The following NEK11 variants were observed in gnomAD, a reference collection of about 807,000 sequenced individuals.
The protein encoded by NEK11 is NIMA related kinase 11, also known as serine/threonine-protein kinase Nek11.
A neutral mutation model predicts 80.7 loss-of-function variants in NEK11; 72 were observed. That is an observed-to-expected ratio of 0.89 (90% CI 0.74 to 1.08). The LOEUF (loss-of-function observed/expected upper bound fraction) is 1.08. NEK11 is among the 50% of genes least tolerant of loss of function. NEK11 has a pLI of 0.00. For missense variants in NEK11, 764 were observed against 763.6 expected (o/e 1.00, Z -0.01); for synonymous variants, 251 against 260.7 (o/e 0.96, Z 0.36).
At chr3:131,346,000 T>C (rs1582547741) in intron 17 of NEK11, among the ~76,000 whole-genome samples, 1 of 147,442 alleles carries the variant, frequency 6.8e-6, no homozygotes, top group South Asian at 2.1e-4. Context: ...TACACAGAGA[T>C]AGAGAATGAA....
chr3:131,099,466 A>G (rs2078020757), intron 4 of NEK11, among the ~76,000 whole-genome samples: 1 of 152,172 alleles, frequency 6.6e-6, no homozygotes, highest in Non-Finnish European at 1.5e-5. Context: ...TTTTGGTTCC[A>G]TATGAATGTT....
chr3:131,039,088 G>A (rs2109553500), intron 3 of NEK11, among the ~76,000 whole-genome samples: 1 of 152,244 alleles, frequency 6.6e-6, no homozygotes, highest in East Asian at 1.9e-4. Flanking sequence ...TTAAGTTATT[G>A]TATCTCATTT....
At chr3:131,311,998 C>A (rs184859566) in intron 17 of NEK11, among the ~76,000 whole-genome samples, 1 of 152,224 alleles carries the variant, frequency 6.6e-6, no homozygotes, top group Admixed American at 6.5e-5. Flanking sequence ...GCCATAGTTA[C>A]CAGGTATATA....
At chr3:131,297,921 A>ATCCT (rs2096614912) in intron 17 of NEK11, among the ~76,000 whole-genome samples, 1 of 152,048 alleles carries the variant, frequency 6.6e-6, no homozygotes, top group South Asian at 2.1e-4. Context: ...TAAATAGGGA[A>ATCCT]TCCTTTCCCC....
intron 16 of NEK11, among the ~76,000 whole-genome samples, chr3:131,250,226 A>G (rs538268056): frequency 5.9e-5 from 9 of 152,112 alleles, no homozygotes; most frequent in Non-Finnish European, 1.0e-4. Flanking sequence ...GTGATTCAGC[A>G]CCTAACAAAT....
intron 16 of NEK11, among the ~76,000 whole-genome samples, chr3:131,249,770 G>T (rs1040527362): frequency 6.6e-6 from 1 of 152,096 alleles, no homozygotes. Context: ...TCAACAAAAT[G>T]GTGGGAATGA....
intron 17 of NEK11, among the ~76,000 whole-genome samples, chr3:131,276,336 C>T (rs1561331696): frequency 6.6e-6 from 1 of 152,144 alleles, no homozygotes; most frequent in Non-Finnish European, 1.5e-5. Context: ...GCAGACTGGT[C>T]AGGGAGAAGT....
At chr3:131,134,418 T>G (rs1275747807) in intron 7 of NEK11, 1 of 146,610 alleles carries the variant, frequency 6.8e-6, no homozygotes, top group Admixed American at 6.8e-5. Flanking sequence ...TTTTTTTTTT[T>G]GAAATGGAGT....
chr3:131,148,241 T>C (rs906374372), intron 7 of NEK11, among the ~76,000 whole-genome samples: 26 of 152,102 alleles, frequency 1.7e-4, no homozygotes, highest in African/African-American at 6.0e-4. Flanking sequence ...ATGTATTATC[T>C]TTTTAATATG....
Position 131,313,287 on chromosome 3 carries a change from T to C in NEK11, c.1719-36270T>C, listed in dbSNP as rs375222626. ...AATGGTGCTGCAGTGAATATACACA[T>C]GCATGTATCTTTATGATAGAATGAT... On this transcript the variant is annotated intron_variant, in intron 17 of 17. Transcript: ENST00000383366. Among the ~76,000 whole-genome samples, 4 of 152,318 alleles carry C rather than the reference T, an allele frequency of 2.6e-5. No individual in the cohort carries two copies. The East Asian group carries it at 5.8e-4, about 22-fold the overall frequency.
intron 4 of NEK11, among the ~76,000 whole-genome samples, chr3:131,083,750 G>A (rs1238410660): frequency 1.3e-5 from 2 of 152,010 alleles, no homozygotes; most frequent in African/African-American, 4.8e-5. Flanking sequence ...TAACCCTTTG[G>A]ACACATACAT....
At chr3:131,290,113 A>G (rs2096528447) in intron 17 of NEK11, among the ~76,000 whole-genome samples, 1 of 152,182 alleles carries the variant, frequency 6.6e-6, no homozygotes, top group Non-Finnish European at 1.5e-5. Flanking sequence ...GAGACACTGA[A>G]ATGTATTTTC....
At chr3:131,304,690 C>A (rs1351351544) in intron 17 of NEK11, among the ~76,000 whole-genome samples, 5 of 152,120 alleles carry the variant, frequency 3.3e-5, no homozygotes, top group African/African-American at 1.2e-4. Context: ...AGGCTGGTAC[C>A]AGTGCCTGAG....
intron 12 of NEK11, among the ~76,000 whole-genome samples, chr3:131,168,573 G>A (rs1054906329): frequency 6.6e-6 from 1 of 151,540 alleles, no homozygotes; most frequent in Non-Finnish European, 1.5e-5. Context: ...AGCCAGGATG[G>A]TCTCGATCTC....
chr3:131,075,744 A>G (rs1014556347), intron 3 of NEK11, among the ~76,000 whole-genome samples: 8 of 152,154 alleles, frequency 5.3e-5, no homozygotes, highest in Non-Finnish European at 1.2e-4. Flanking sequence ...AAGTGTTTAC[A>G]GTTATTTGTG....
chr3:131,151,331 A>G (rs2089600602), intron 7 of NEK11, among the ~76,000 whole-genome samples: 1 of 152,076 alleles, frequency 6.6e-6, no homozygotes, highest in Non-Finnish European at 1.5e-5. Flanking sequence ...AATGTAAAGT[A>G]CCAGTCAGCT....
chr3:131,027,471 C>T (rs888703066), intron 1 of NEK11: 6 of 151,580 alleles, frequency 4.0e-5, no homozygotes, highest in Non-Finnish European at 8.8e-5. Context: ...CTTAACTAAC[C>T]TTTTTTCTCT....
intron 14 of NEK11, among the ~76,000 whole-genome samples, chr3:131,176,334 G>A (rs745804318): frequency 5.9e-5 from 9 of 152,116 alleles, no homozygotes; most frequent in South Asian, 2.1e-4. Context: ...TAGATCTTCC[G>A]TCACTTCTGG....
intron 17 of NEK11, among the ~76,000 whole-genome samples, chr3:131,275,854 G>A (rs2096282522): frequency 6.6e-6 from 1 of 152,196 alleles, no homozygotes; most frequent in Non-Finnish European, 1.5e-5. Flanking sequence ...AGATTATAAT[G>A]TAGAGAAAAC....
Sources: gnomAD v4.1 joint callset for allele counts (sites outside exome capture counted in the v4.1 genomes callset) on GRCh38, gnomAD v4.1.1 for gene constraint, MANE v1.5 for transcripts, NCBI Gene and HGNC (gene_info 2026-07-23, HGNC 2026-07-21) for gene names.